MTUS2: variants seen among roughly 807,000 people sequenced by gnomAD.
MTUS2 encodes the protein microtubule-associated tumor suppressor candidate 2.
MTUS2 carries 40 observed loss-of-function variants against 114.1 expected under a neutral mutation model. The observed-to-expected ratio is 0.35, with a 90% CI of 0.27 to 0.46. The LOEUF is 0.46. Among genes scored for constraint, MTUS2 ranks in the 20% least tolerant of loss-of-function variants. The pLI is 1.00. For missense variants in MTUS2, 1,679 were observed against 1,705.4 expected (o/e 0.98, Z 0.27); for synonymous variants, 688 against 672.0 (o/e 1.02, Z -0.37).
chr13:28,882,089 T>G (rs941950212), intron 2 of MTUS2, among the ~76,000 whole-genome samples: 1 of 152,160 alleles, frequency 6.6e-6, no homozygotes, highest in Non-Finnish European at 1.5e-5. Flanking sequence ...AGACGGAGTC[T>G]TGCTCTGTCT....
chr13:29,202,367 G>T (rs2139243291), intron 5 of MTUS2, among the ~76,000 whole-genome samples: 1 of 152,138 alleles, frequency 6.6e-6, no homozygotes, highest in African/African-American at 2.4e-5. Context: ...GATCATTTGT[G>T]TTCTTCTTTA....
intron 1 of MTUS2, among the ~76,000 whole-genome samples, chr13:28,833,104 G>C (rs956020837): frequency 3.3e-5 from 5 of 152,060 alleles, no homozygotes; most frequent in Non-Finnish European, 2.9e-5. Flanking sequence ...AAAAGCCCAG[G>C]CTGGGATGGC....
intron 5 of MTUS2, among the ~76,000 whole-genome samples, chr13:29,144,492 T>A (rs1030140339): frequency 1.3e-5 from 2 of 152,122 alleles, no homozygotes; most frequent in Admixed American, 1.3e-4. Context: ...GCCTTCCAGT[T>A]TGCTTGGATT....
intron 5 of MTUS2, among the ~76,000 whole-genome samples, chr13:29,159,076 C>T (rs904532528): frequency 3.3e-5 from 5 of 152,158 alleles, no homozygotes; most frequent in East Asian, 1.9e-4. Context: ...AGAAAGTTAC[C>T]GTGGAGAATG....
chr13:28,966,319 C>G (rs1311474913), intron 2 of MTUS2, among the ~76,000 whole-genome samples: 2 of 152,180 alleles, frequency 1.3e-5, no homozygotes, highest in Non-Finnish European at 2.9e-5. Flanking sequence ...ATTTTAGAGA[C>G]TTGTTTAAAG....
chr13:29,307,514 C>T (rs1370204562), intron 6 of MTUS2: 50 of 1,250,384 alleles, frequency 4.0e-5, no homozygotes, highest in Non-Finnish European at 3.5e-5. Context: ...GTGGATCTGA[C>T]CTGCTGTCTT....
At chr13:28,876,632 G>T (rs1210596325) in intron 2 of MTUS2, among the ~76,000 whole-genome samples, 2 of 152,148 alleles carry the variant, frequency 1.3e-5, no homozygotes, top group Admixed American at 6.5e-5. Context: ...GTGGGTCTTT[G>T]GCCTAGGTTG....
chr13:29,135,614 T>C (rs1043760043), intron 5 of MTUS2, among the ~76,000 whole-genome samples: 3 of 152,224 alleles, frequency 2.0e-5, no homozygotes, highest in Non-Finnish European at 4.4e-5. Flanking sequence ...CCTTCACTTC[T>C]TGCATTACTA....
intron 7 of MTUS2, among the ~76,000 whole-genome samples, chr13:29,358,196 G>A (rs367877260): frequency 1.4e-3 from 206 of 152,264 alleles, no homozygotes; most frequent in African/African-American, 4.9e-3. Context: ...GGGGTTCTCC[G>A]ACCGCCTGCA....
At chr13:28,896,009 A>G (rs995045948) in intron 2 of MTUS2, among the ~76,000 whole-genome samples, 2 of 152,234 alleles carry the variant, frequency 1.3e-5, no homozygotes, top group African/African-American at 4.8e-5. Context: ...AAAGATGTGC[A>G]GAAGGAGAGG....
chr13:29,228,250 A>T (rs2139349363), intron 5 of MTUS2, among the ~76,000 whole-genome samples: 1 of 152,340 alleles, frequency 6.6e-6, no homozygotes, highest in East Asian at 1.9e-4. Context: ...ATTAAAGAGA[A>T]TGAATTGGAA....
At chr13:29,154,576 C>G (rs142909718) in intron 5 of MTUS2, among the ~76,000 whole-genome samples, 315 of 152,298 alleles carry the variant, frequency 2.1e-3, no homozygotes, top group African/African-American at 7.3e-3. Context: ...GCACAGCTAA[C>G]ACTGGAATGC....
chr13:29,473,496 C>T (rs759505136), intron 9 of MTUS2, among the ~76,000 whole-genome samples: 3 of 152,174 alleles, frequency 2.0e-5, no homozygotes, highest in African/African-American at 4.8e-5. Flanking sequence ...TTTTACTCTG[C>T]TGTTGTTTCA....
chr13:29,254,415 G>C (rs997771437), intron 5 of MTUS2, among the ~76,000 whole-genome samples: 1 of 152,238 alleles, frequency 6.6e-6, no homozygotes, highest in African/African-American at 2.4e-5. Context: ...CTTTCTGCAG[G>C]AACAGGCAGA....
chr13:28,937,170 G>C (rs1459310428), intron 2 of MTUS2, among the ~76,000 whole-genome samples: 2 of 152,178 alleles, frequency 1.3e-5, no homozygotes, highest in African/African-American at 4.8e-5. Flanking sequence ...TGTCTTACAA[G>C]AGAATTGTAA....
At chr13:28,876,639 G>A (rs1254232361) in intron 2 of MTUS2, among the ~76,000 whole-genome samples, 1 of 152,184 alleles carries the variant, frequency 6.6e-6, no homozygotes, top group African/African-American at 2.4e-5. Flanking sequence ...TTTGGCCTAG[G>A]TTGGGCCACA....
At chr13:29,086,985 T>C (rs1470263614) in intron 4 of MTUS2, among the ~76,000 whole-genome samples, 1 of 152,188 alleles carries the variant, frequency 6.6e-6, no homozygotes, top group African/African-American at 2.4e-5. Flanking sequence ...ACGTTTATCA[T>C]TTCTAGGAGC....
intron 8 of MTUS2, among the ~76,000 whole-genome samples, chr13:29,383,974 G>A (rs553811411): frequency 6.6e-6 from 1 of 152,294 alleles, no homozygotes; most frequent in Non-Finnish European, 1.5e-5. Context: ...CCACTTTGGG[G>A]CCATTTAAAA....
chr13:29,121,415 A>G (rs1442213469), intron 5 of MTUS2, among the ~76,000 whole-genome samples: 1 of 147,434 alleles, frequency 6.8e-6, no homozygotes, highest in East Asian at 2.0e-4. Context: ...CCCTATATCA[A>G]ATTAATTTTA....
Sources: gnomAD v4.1 joint callset for allele counts (sites outside exome capture counted in the v4.1 genomes callset) on GRCh38, gnomAD v4.1.1 for gene constraint, MANE v1.5 for transcripts, NCBI Gene and HGNC (gene_info 2026-07-23, HGNC 2026-07-21) for gene names.